CCDC181: variants seen among roughly 807,000 people sequenced by gnomAD.
CCDC181 encodes the protein coiled-coil domain containing 181, also known as coiled-coil domain-containing protein 181.
Under a neutral mutation model 58.7 loss-of-function variants are expected in CCDC181, and 35 were observed. The observed-to-expected ratio is 0.60, with a 90% CI of 0.46 to 0.79. CCDC181 has a LOEUF of 0.79. Ranked by LOEUF, CCDC181 falls within the 30% of genes least tolerant of loss-of-function variation. CCDC181 has a pLI of 0.00. For synonymous variants in CCDC181, 183 were observed against 197.5 expected (o/e 0.93, Z 0.62); for missense variants, 517 against 583.9 (o/e 0.89, Z 1.18).
At chr1:169,450,186 T>C (rs1272942819) in intron 2 of CCDC181, among the ~76,000 whole-genome samples, 2 of 152,192 alleles carry the variant, frequency 1.3e-5, no homozygotes, top group African/African-American at 4.8e-5. Flanking sequence ...AAGAGGAAGC[T>C]AGAGTTGAAG....
chr1:169,429,627 C>T (rs1464734234), upstream of CCDC181, among the ~76,000 whole-genome samples: 1 of 152,078 alleles, frequency 6.6e-6, no homozygotes, highest in Non-Finnish European at 1.5e-5. Flanking sequence ...TATTCATGTC[C>T]TTAGCCCACT....
In CCDC181 at chr1:169,421,600, A is replaced by G. The variant is rs201849493; in HGVS notation, c.831T>C (p.His277=). Residue 277 remains histidine, a synonymous_variant, in exon 3 of 6, where the codon CAT becomes CAC. Transcript: ENST00000367806. ...CTCCTGTTGATGAGTGAGTGACAGCATGAATCTTTGCTGTAGAATCTTCTT... is the reference window on the plus strand; with the variant it reads ...CTCCTGTTGATGAGTGAGTGACAGCGTGAATCTTTGCTGTAGAATCTTCTT... The part of the protein sequence containing the change: ...TKKEDSTAKI[H]AVTHSSTGEP... The G allele has an allele frequency of 5.0e-5, 81 of 1,614,070 alleles. No homozygotes were observed. The highest frequency in any genetic ancestry group is 4.2e-4 in the Admixed American group (25 of 59,994).
At chr1:169,445,667 C>T (rs1657353472) in intron 2 of CCDC181, among the ~76,000 whole-genome samples, 1 of 151,968 alleles carries the variant, frequency 6.6e-6, no homozygotes, top group South Asian at 2.1e-4. Flanking sequence ...GGAAGTGTTC[C>T]CTTTGCTTCT....
chr1:169,418,921 T>C (rs1656333171), intron 4 of CCDC181, 92 bp downstream of exon 4: 2 of 1,008,192 alleles, frequency 2.0e-6, no homozygotes, highest in South Asian at 2.9e-5. Context: ...ACTTCTTCCA[T>C]AGGCTGTTAG....
intron 4 of CCDC181, among the ~76,000 whole-genome samples, chr1:169,414,758 T>C (rs1234050399): frequency 6.6e-6 from 1 of 152,198 alleles, no homozygotes; most frequent in Admixed American, 6.5e-5. Flanking sequence ...CTGGAAACTA[T>C]GACTCACATT....
intron 4 of CCDC181, among the ~76,000 whole-genome samples, chr1:169,401,591 G>A (rs1315725280): frequency 6.6e-6 from 1 of 152,218 alleles, no homozygotes; most frequent in Non-Finnish European, 1.5e-5. Context: ...TGAGGGTCCT[G>A]ACTGTTAGAA....
At chr1:169,437,185 G>A (rs966336516) in intron 2 of CCDC181, among the ~76,000 whole-genome samples, 5 of 152,140 alleles carry the variant, frequency 3.3e-5, no homozygotes. Context: ...GTTCCTGGGT[G>A]GGGGCCACAA....
chr1:169,433,614 CATAA>C lies in CCDC181; in HGVS notation c.-23-8668_-23-8665del, dbSNP rs553311798. 3.6e-3 allele frequency among the ~76,000 whole-genome samples: 542 copies of C among 152,088 alleles called. 4 individuals are homozygous for C. Among genetic ancestry groups the C allele is most frequent in the African/African-American group, 0.012 (503 of 41,524 alleles). On this transcript the variant is annotated intron_variant, in intron 2 of 6. Transcript: ENST00000545005. ...AACCAATGGAATCAAATTTAGAGGT[CATAA>C]ATAAACTCTCACATATATGGTCAAA... is the stretch of plus-strand genomic sequence containing the variant.
intron 5 of CCDC181, chr1:169,396,146 T>C (rs970779726): frequency 2.0e-5 from 3 of 152,254 alleles, no homozygotes; most frequent in Non-Finnish European, 4.4e-5. Context: ...TTAGACAGTA[T>C]GCATACTGGT....
chr1:169,453,111 A>T (rs1328664672), intron 2 of CCDC181, among the ~76,000 whole-genome samples: 3 of 152,048 alleles, frequency 2.0e-5, no homozygotes, highest in African/African-American at 7.2e-5. Context: ...ATGAGATAGG[A>T]AGATGAATCA....
chr1:169,441,146 G>A (rs1235394283), intron 2 of CCDC181, among the ~76,000 whole-genome samples: 1 of 151,980 alleles, frequency 6.6e-6, no homozygotes, highest in East Asian at 1.9e-4. Context: ...TGGCATTTTA[G>A]GCATTTCTGT....
chr1:169,396,886 T>G (rs1378331309), intron 5 of CCDC181, among the ~76,000 whole-genome samples: 1 of 152,154 alleles, frequency 6.6e-6, no homozygotes, highest in Admixed American at 6.5e-5. Context: ...CTGAGGGCTA[T>G]GTAGGAGAAG....
At chr1:169,411,845 C>T (rs1655982254) in intron 4 of CCDC181, among the ~76,000 whole-genome samples, 1 of 152,174 alleles carries the variant, frequency 6.6e-6, no homozygotes, top group Non-Finnish European at 1.5e-5. Flanking sequence ...ATGCTAAAAA[C>T]TCTCAATAAA....
rs12729761 is a variant in CCDC181, at chr1:169,455,430, G to C, written c.-24+4367C>G. 0.064 allele frequency among the ~76,000 whole-genome samples: 9,660 copies of C among 152,068 alleles called. 1,435 individuals are homozygous for C. In the East Asian group the frequency reaches 0.66, roughly 10 times the overall value. ...TAGTAATTTCAAATATTGATAAACTGTTAGGTTTAAAGCCCCACTAATTAA... is the reference window on the plus strand; with the variant it reads ...TAGTAATTTCAAATATTGATAAACTCTTAGGTTTAAAGCCCCACTAATTAA... On this transcript the variant is annotated intron_variant, in intron 2 of 6. Coordinates refer to the CCDC181 transcript ENST00000545005.
At chr1:169,418,692 C>A in intron 4 of CCDC181, 2 of 315,932 alleles carry the variant, frequency 6.3e-6, no homozygotes, top group Non-Finnish European at 1.1e-5. Flanking sequence ...TAAGTGAGAC[C>A]AGTCTCTAGG....
chr1:169,451,879 A>G (rs1258670475), intron 2 of CCDC181, among the ~76,000 whole-genome samples: 1 of 152,108 alleles, frequency 6.6e-6, no homozygotes, highest in Non-Finnish European at 1.5e-5. Flanking sequence ...CAGTTTACTG[A>G]GATCCAAGAG....
intron 1 of CCDC181, among the ~76,000 whole-genome samples, chr1:169,460,071 G>A (rs1482617261): frequency 6.6e-6 from 1 of 152,130 alleles, no homozygotes; most frequent in Non-Finnish European, 1.5e-5. Flanking sequence ...TGATTCCTCT[G>A]AAAGACTTTT....
intron 4 of CCDC181, among the ~76,000 whole-genome samples, chr1:169,412,901 G>A (rs1488539641): frequency 2.0e-5 from 3 of 152,138 alleles, no homozygotes; most frequent in Non-Finnish European, 4.4e-5. Context: ...TTAAACAGAA[G>A]ACCTAAAACC....
At chr1:169,397,500 A>C (rs989113025) in intron 4 of CCDC181, 109 bp from the exon 5 acceptor site, 6 of 969,016 alleles carry the variant, frequency 6.2e-6, no homozygotes, top group Non-Finnish European at 8.7e-6. Context: ...AATTTTTCAT[A>C]ATAATGCCAG....
Sources: allele counts gnomAD v4.1 joint callset (sites outside exome capture counted in the v4.1 genomes callset), GRCh38; gene constraint gnomAD v4.1.1; transcripts MANE v1.5; gene names NCBI Gene and HGNC (gene_info 2026-07-23, HGNC 2026-07-21).